OR56A4: variants seen among roughly 807,000 people sequenced by gnomAD.
The protein encoded by OR56A4 is olfactory receptor 56A4.
OR56A4 carries 9 observed loss-of-function variants against 13.6 expected under a neutral mutation model. The ratio of observed to expected loss-of-function variants is 0.66; its 90% confidence interval spans 0.40 to 1.15. The LOEUF (loss-of-function observed/expected upper bound fraction) is 1.15, where lower values mean the gene tolerates loss of function less well. Ranked by LOEUF, OR56A4 falls within the 50% of genes most tolerant of loss-of-function variation. The probability of loss-of-function intolerance (pLI) is 0.01; values close to 1 mark genes in which losing one functional copy is unlikely to be tolerated. For synonymous variants in OR56A4, 167 were observed against 153.9 expected (o/e 1.08, Z -0.63); for missense variants, 380 against 375.9 (o/e 1.01, Z -0.09).
At chr11:6,005,655 T>C (rs990757004) in intron 2 of OR56A4, among the ~76,000 whole-genome samples, 1 of 152,224 alleles carries the variant, frequency 6.6e-6, no homozygotes, top group African/African-American at 2.4e-5. Flanking sequence ...TTCTGGAAGC[T>C]AAGAAGTATA....
chr11:6,001,815 G>T lies in OR56A4; in HGVS notation c.*236C>A. 4.5e-6 allele frequency: 2 copies of T among 445,460 alleles called. No individual in the cohort carries two copies. Among genetic ancestry groups the T allele is most frequent in the Non-Finnish European group, 7.8e-6 (2 of 256,796 alleles). 27.6% of individuals were successfully genotyped at this position (445,460 alleles called of 1,614,324 possible). ...AGATTCTTTGTTGCAGATTAGATCA[G>T]GAAAAATTCCAAAGTAACCATAGAA... On this transcript the variant is annotated 3_prime_UTR_variant, in exon 3 of 3. Coordinates refer to ENST00000641156, the MANE Select transcript of OR56A4 (RefSeq NM_001005179.4).
rs752958653 is a variant in OR56A4 at position 6,002,963 on chromosome 11, G to C, written c.30C>G (p.Ala10=). The C allele has an allele frequency of 6.2e-7, 1 of 1,614,040 alleles. No homozygotes were observed. Residue 10 remains alanine, a synonymous_variant, in exon 3 of 3, where the codon GCC becomes GCG. Transcript: ENST00000641156. MASPSNDST[A]PVSEFLLICF... is the part of the protein sequence containing the mutation. Reference sequence around the variant, plus strand: ...AGATGAGGAGGAATTCAGAGACTGGGGCAGTGGAGTCATTGCTGGGAGATG... The same window carrying C: ...AGATGAGGAGGAATTCAGAGACTGGCGCAGTGGAGTCATTGCTGGGAGATG...
chr11:6,002,072 T>C lies in OR56A4; in HGVS notation c.921A>G (p.Gln307=), dbSNP rs780902741. Residue 307 remains glutamine, a synonymous_variant, in exon 3 of 3, where the codon CAA becomes CAG. Coordinates refer to ENST00000641156, the MANE Select transcript of OR56A4 (RefSeq NM_001005179.4). ...VRTKEIKQGI[Q]NLLKRL Reference sequence around the variant, plus strand: ...ATTCTTACAACCTCTTCAGCAGGTTTTGGATTCCCTGCTTGATCTCCTTGG... The same window carrying C: ...ATTCTTACAACCTCTTCAGCAGGTTCTGGATTCCCTGCTTGATCTCCTTGG... The C allele has an allele frequency of 3.1e-6, 5 of 1,595,182 alleles. No individual in the cohort carries two copies. In the East Asian group the frequency reaches 6.7e-5, roughly 21 times the overall value.
In OR56A4 at chr11:6,002,068, G is replaced by T; in HGVS notation, c.925C>A (p.Leu309Met). Residue 309 changes from leucine to methionine, a missense_variant, in exon 3 of 3, where the codon CTG becomes ATG. By Grantham distance (15) the Leu-to-Met change is conservative. Transcript: ENST00000641156. The part of the protein sequence containing the change: ...TKEIKQGIQN[L>M]LKRL ...TTTTATTCTTACAACCTCTTCAGCA[G>T]GTTTTGGATTCCCTGCTTGATCTCC... 1 of 1,592,072 alleles carries T rather than the reference G, an allele frequency of 6.3e-7. No individual in the cohort carries two copies. Among genetic ancestry groups the T allele is most frequent in the African/African-American group, 1.3e-5 (1 of 74,406 alleles).
rs1185507411 is a variant in OR56A4, at chr11:6,002,783, G to A, written c.210C>T (p.Ser70=). The A allele has an allele frequency of 6.2e-7, 1 of 1,613,828 alleles. No homozygotes were observed. Among genetic ancestry groups the A allele is most frequent in the East Asian group, 2.2e-5 (1 of 44,886 alleles). ...QPLYYLLSLL[S]LLDIVLCLTV... is the part of the protein sequence containing the mutation. ...TGAGGCAGAGCACGATGTCCAGCAG[G>A]GAGAGGAGGCTGAGCAGGTAGTACA... The change falls in exon 3 of 3, where the codon TCC becomes TCT. Residue 70 remains serine, a synonymous_variant. Transcript: ENST00000641156.
At chr11:6,003,086 G>A (rs1020102370) in intron 2 of OR56A4, 58 bp from the exon 3 acceptor site, 15 of 1,606,138 alleles carry the variant, frequency 9.3e-6, no homozygotes, top group Non-Finnish European at 1.3e-5. Flanking sequence ...ACGTAGTAGA[G>A]TGTGGGTTTC....
chr11:6,002,439 A>G lies in OR56A4; in HGVS notation c.554T>C (p.Leu185Pro). 1 of 1,614,266 alleles carries G rather than the reference A, an allele frequency of 6.2e-7. No homozygotes were observed. ...ATCACAAGAGAGTTTGGACACAGAC[A>G]GGTTACTGCAGATGCAGTTCTTGAT... ...NIIKNCICSNLSVSKLSCDDI... is the reference protein window; with the variant it reads ...NIIKNCICSNPSVSKLSCDDI... The change falls in exon 3 of 3, where the codon CTG becomes CCG. Residue 185 changes from leucine (L) to proline (P), a missense_variant. By Grantham distance (98) the Leu-to-Pro change is moderately conservative. Coordinates refer to ENST00000641156, the MANE Select transcript of OR56A4 (RefSeq NM_001005179.4).
intron 2 of OR56A4, among the ~76,000 whole-genome samples, chr11:6,005,182 A>G (rs1231681617): frequency 6.6e-6 from 1 of 152,168 alleles, no homozygotes; most frequent in African/African-American, 2.4e-5. Context: ...TTTAGGTGTT[A>G]TTGTGGGAGG....
chr11:6,005,225 A>AG (rs1312372635), intron 2 of OR56A4, among the ~76,000 whole-genome samples: 3 of 152,324 alleles, frequency 2.0e-5, no homozygotes, highest in African/African-American at 7.2e-5. Flanking sequence ...AAGTTCTGTT[A>AG]GGTCAAAAGA....
rs912696990 is a variant in OR56A4 at position 6,000,182 on chromosome 11, C to T, written c.*1869G>A. On this transcript the variant is annotated 3_prime_UTR_variant, in exon 3 of 3. Transcript: ENST00000641156. ...TGCACATGTATGTTTATTGCGGCACCATTCACAATAGCAAAGACTTGGAAC... is the reference window on the plus strand; with the variant it reads ...TGCACATGTATGTTTATTGCGGCACTATTCACAATAGCAAAGACTTGGAAC... The T allele has an allele frequency of 1.1e-4, 16 of 152,156 alleles. No individual in the cohort carries two copies. Among genetic ancestry groups the T allele is most frequent in the Admixed American group, 3.9e-4 (6 of 15,254 alleles). 9.4% of individuals were successfully genotyped at this position (152,156 alleles called of 1,614,324 possible).
In OR56A4 at chr11:6,002,642, C is replaced by G. The variant is rs775781524; in HGVS notation, c.351G>C (p.Thr117=). The G allele has an allele frequency of 1.1e-5, 17 of 1,614,106 alleles. No individual in the cohort carries two copies. Among genetic ancestry groups the G allele is most frequent in the Non-Finnish European group, 1.3e-5 (15 of 1,180,046 alleles). Residue 117 remains threonine (T), a synonymous_variant, in exon 3 of 3, where the codon ACG becomes ACC. Coordinates refer to ENST00000641156, the MANE Select transcript of OR56A4 (RefSeq NM_001005179.4). ...AACGGTCATAGGCCATGACCATGAA[C>G]GTGCAGGACTCCATGGTCAAAAAAC... ...MNSFLTMESC[T]FMVMAYDRYV...
intron 2 of OR56A4, among the ~76,000 whole-genome samples, chr11:6,004,067 T>C (rs12362690): frequency 0.22 from 33,690 of 152,160 alleles, 4,236 homozygotes; most frequent in Middle Eastern, 0.31. Context: ...AGAGGCAGAA[T>C]GTAGCCAGGG....
At position 6,003,251 on chromosome 11, in the gene OR56A4, T is replaced by G. The variant is rs1214901915; in HGVS notation, c.-36-223A>C. The G allele has an allele frequency of 4.3e-6, 3 of 699,474 alleles. No homozygotes were observed. In the South Asian group the frequency reaches 7.1e-5, roughly 17 times the overall value. The allele number at this position is 699,474 out of a possible 1,614,324, so 43.3% of individuals were successfully genotyped here. On this transcript the variant is annotated intron_variant, in intron 2 of 2. Coordinates refer to ENST00000641156, the MANE Select transcript of OR56A4 (RefSeq NM_001005179.4). ...AAAAAATACTAAGGAGTAATTAATA[T>G]TGTTATCCTAATGTTACAGGTAATA...
rs1848201841 is a variant in OR56A4 at position 5,999,839 on chromosome 11, C to A, written c.*2212G>T. ...CTCTCAACCTAAAAGAAGCTTATGA[C>A]AGTGTCAGAGAAAGAAATACAGCCA... On this transcript the variant is annotated 3_prime_UTR_variant, in exon 3 of 3. Coordinates refer to ENST00000641156, the MANE Select transcript of OR56A4 (RefSeq NM_001005179.4). 6.6e-6 allele frequency: 1 copy of A among 152,150 alleles called. No individual in the cohort carries two copies. Among genetic ancestry groups the A allele is most frequent in the Non-Finnish European group, 1.5e-5 (1 of 68,040 alleles). The allele number at this position is 152,150 out of a possible 1,614,324, so 9.4% of individuals were successfully genotyped here.
chr11:6,003,242 T>C (rs2133574426), intron 2 of OR56A4: 2 of 748,458 alleles, frequency 2.7e-6, no homozygotes, highest in East Asian at 5.6e-5. Context: ...TACTAAGGAG[T>C]AATTAATATT....
At position 5,999,909 on chromosome 11, in the gene OR56A4, G is replaced by A. The variant is rs1044050788; in HGVS notation, c.*2142C>T. 1.3e-5 allele frequency: 2 copies of A among 152,212 alleles called. No individual in the cohort carries two copies. Among genetic ancestry groups the A allele is most frequent in the Non-Finnish European group, 2.9e-5 (2 of 68,044 alleles). The allele number at this position is 152,212 out of a possible 1,614,324, so 9.4% of individuals were successfully genotyped here. A position where few individuals can be genotyped will look rare whatever the true frequency, so the allele number is the denominator to read the frequency against. On this transcript the variant is annotated 3_prime_UTR_variant, in exon 3 of 3. Transcript: ENST00000641156. ...GATTCCAGTCGGGAGGATCAGGGAA[G>A]GAAGACCTACTGTGGGAGATGGCAT...
rs368739896 is a variant in OR56A4, at chr11:6,006,365, G to T, written c.-153C>A. The T allele has an allele frequency of 1.3e-5, 2 of 152,118 alleles. No individual in the cohort carries two copies. Among genetic ancestry groups the T allele is most frequent in the Non-Finnish European group, 2.9e-5 (2 of 68,030 alleles). 9.4% of individuals were successfully genotyped at this position (152,118 alleles called of 1,614,324 possible). A position where few individuals can be genotyped will look rare whatever the true frequency, so the allele number is the denominator to read the frequency against. On this transcript the variant is annotated 5_prime_UTR_variant, in exon 2 of 3. Coordinates refer to ENST00000641156, the MANE Select transcript of OR56A4 (RefSeq NM_001005179.4). ...GTTGACCATCTGGGGCATTGTTTTCGATCTTCAGTATGCCAACTCCATCAG... is the reference window on the plus strand; with the variant it reads ...GTTGACCATCTGGGGCATTGTTTTCTATCTTCAGTATGCCAACTCCATCAG...
intron 2 of OR56A4, 76 bp from the exon 3 acceptor site, chr11:6,003,104 G>T: frequency 6.2e-7 from 1 of 1,603,704 alleles, no homozygotes; most frequent in Non-Finnish European, 8.5e-7. Flanking sequence ...TTCCACTGAG[G>T]CCCTGTATCT....
Position 6,002,133 on chromosome 11 carries a change from G to A in OR56A4, c.860C>T (p.Pro287Leu). ...ATAAACAATGGGGTTCAGAGCTGGG[G>A]GAATGAGGTGGTGCAGGATGTTGAG... ...ILLNILHHLI[P>L]PALNPIVYGV... The change falls in exon 3 of 3, where the codon CCC becomes CTC. Residue 287 changes from proline (P) to leucine (L), a missense_variant. Physicochemically the swap from Pro to Leu is moderately conservative, Grantham distance 98. Transcript: ENST00000641156. The A allele has an allele frequency of 6.2e-7, 1 of 1,614,102 alleles. No individual in the cohort carries two copies. Among genetic ancestry groups the A allele is most frequent in the Non-Finnish European group, 8.5e-7 (1 of 1,180,000 alleles).
Sources: gnomAD v4.1 joint callset for allele counts (sites outside exome capture counted in the v4.1 genomes callset) on GRCh38, gnomAD v4.1.1 for gene constraint, MANE v1.5 for transcripts, NCBI Gene and HGNC (gene_info 2026-07-23, HGNC 2026-07-21) for gene names.